The following PRKCH variants were observed in gnomAD, a reference collection of about 807,000 sequenced individuals.
PRKCH encodes protein kinase C eta.
Under a neutral mutation model 82.5 loss-of-function variants are expected in PRKCH, and 28 were observed. The ratio of observed to expected loss-of-function variants is 0.34; its 90% CI spans 0.25 to 0.47. The LOEUF (loss-of-function observed/expected upper bound fraction) is 0.47, where lower values mean the gene tolerates loss of function less well. Among genes scored for constraint, PRKCH ranks in the 20% least tolerant of loss-of-function variants. The pLI is 1.00. For missense variants in PRKCH, 705 were observed against 881.8 expected (o/e 0.80, Z 2.54); for synonymous variants, 322 against 327.4 (o/e 0.98, Z 0.18).
At chr14:61,464,854 G>A (rs1885185628) in intron 9 of PRKCH, among the ~76,000 whole-genome samples, 1 of 152,200 alleles carries the variant, frequency 6.6e-6, no homozygotes, top group African/African-American at 2.4e-5. Context: ...ACATACATGT[G>A]CATGTGTCTT....
intron 9 of PRKCH, among the ~76,000 whole-genome samples, chr14:61,468,703 G>A (rs1029212048): frequency 3.9e-5 from 6 of 152,174 alleles, no homozygotes; most frequent in African/African-American, 1.2e-4. Flanking sequence ...AGGTTGTTCT[G>A]TTGTAACTGG....
intron 1 of PRKCH, among the ~76,000 whole-genome samples, chr14:61,206,917 A>C (rs550860560): frequency 5.9e-5 from 9 of 151,672 alleles, no homozygotes; most frequent in Admixed American, 1.3e-4. Context: ...GACTAGCCTG[A>C]CCAACATGAA....
At chr14:61,402,211 C>T (rs927583241) in intron 2 of PRKCH, among the ~76,000 whole-genome samples, 2 of 152,092 alleles carry the variant, frequency 1.3e-5, no homozygotes, top group African/African-American at 2.4e-5. Flanking sequence ...ATGGCCAGTA[C>T]GAGATGTTAT....
intron 1 of PRKCH, among the ~76,000 whole-genome samples, chr14:61,189,729 T>C (rs187058998): frequency 2.0e-5 from 3 of 152,172 alleles, no homozygotes; most frequent in Admixed American, 2.0e-4. Flanking sequence ...GTTGCTTTCT[T>C]TTAGGAAGTT....
chr14:61,346,002 TTGCCTTTTAAGGCTATA>T (rs1424736212), intron 1 of PRKCH, among the ~76,000 whole-genome samples: 1 of 152,188 alleles, frequency 6.6e-6, no homozygotes, highest in Non-Finnish European at 1.5e-5. Context: ...CTCTGGGTAT[TTGCCTTTTAAGGCTATA>T]TGCCTTTTAA....
intron 1 of PRKCH, among the ~76,000 whole-genome samples, chr14:61,272,404 C>T (rs2045165744): frequency 8.7e-6 from 1 of 115,604 alleles, no homozygotes; most frequent in African/African-American, 3.4e-5. Flanking sequence ...ACCAGGCTAG[C>T]ATGCAGTGGC....
At chr14:61,405,459 C>G (rs1322612544) in intron 2 of PRKCH, among the ~76,000 whole-genome samples, 2 of 151,776 alleles carry the variant, frequency 1.3e-5, no homozygotes, top group East Asian at 3.9e-4. Context: ...CTCACTGCAA[C>G]CTCCACCTCC....
intron 1 of PRKCH, among the ~76,000 whole-genome samples, chr14:61,310,835 T>G (rs938464057): frequency 1.3e-5 from 2 of 152,250 alleles, no homozygotes; most frequent in African/African-American, 4.8e-5. Context: ...CCATACATCT[T>G]CTGAAATCTA....
At chr14:61,428,261 A>C (rs893430346) in intron 2 of PRKCH, among the ~76,000 whole-genome samples, 4 of 152,000 alleles carry the variant, frequency 2.6e-5, no homozygotes, top group Non-Finnish European at 5.9e-5. Flanking sequence ...ACCCTCCGAA[A>C]GTGCTGGGAT....
rs564278700 is a variant in PRKCH, at chr14:61,233,410, AAAAG to A, written c.-19+45746_-19+45749del. On this transcript the variant is annotated intron_variant, in intron 1 of 3. Coordinates refer to the PRKCH transcript ENST00000555185. ...TGTCTCAAAAAAAAAGAAAAAAAGA[AAAAG>A]AAAAAAAAGCCAGAGTGGCCTCAGC... Among the ~76,000 whole-genome samples, 141 of 152,254 alleles carry A rather than the reference AAAAG, an allele frequency of 9.3e-4. 2 individuals carry two copies. Among genetic ancestry groups the A allele is most frequent in the South Asian group, 8.9e-3 (43 of 4,814 alleles).
chr14:61,197,886 T>C (rs564129287), intron 1 of PRKCH, among the ~76,000 whole-genome samples: 1 of 152,332 alleles, frequency 6.6e-6, no homozygotes, highest in African/African-American at 2.4e-5. Flanking sequence ...GTCTTCCAAC[T>C]GTAGATAATT....
intron 1 of PRKCH, among the ~76,000 whole-genome samples, chr14:61,370,672 G>T (rs1419743550): frequency 3.3e-5 from 5 of 152,076 alleles, no homozygotes; most frequent in Non-Finnish European, 7.3e-5. Context: ...CATTATGTTA[G>T]ATGTTCATTG....
chr14:61,526,578 G>A (rs2140001244), intron 10 of PRKCH, among the ~76,000 whole-genome samples: 2 of 152,364 alleles, frequency 1.3e-5, no homozygotes, highest in Admixed American at 1.3e-4. Flanking sequence ...AGTCATGCCA[G>A]TTCTGTCATC....
rs142412569 is a variant in PRKCH at position 61,200,941 on chromosome 14, G to A, written c.-19+13273G>A. On this transcript the variant is annotated intron_variant, in intron 1 of 3. Transcript: ENST00000555185. ...AAACATATTTCCCACTTATAAGAGG[G>A]GACTAGTGTATATTTTTTCATTCAA... is the stretch of plus-strand genomic sequence containing the variant. Among the ~76,000 whole-genome samples the A allele has an allele frequency of 5.0e-3, 756 of 152,020 alleles. 3 individuals carry two copies. Among genetic ancestry groups the A allele is most frequent in the Middle Eastern group, 0.024 (7 of 292 alleles).
intron 1 of PRKCH, among the ~76,000 whole-genome samples, chr14:61,191,236 T>C (rs768217575): frequency 8.5e-5 from 13 of 152,208 alleles, no homozygotes; most frequent in Non-Finnish European, 1.8e-4. Flanking sequence ...GGTTTGTTAT[T>C]GTAGCTATGA....
chr14:61,490,378 A>G (rs761302281), intron 10 of PRKCH, among the ~76,000 whole-genome samples: 42 of 152,246 alleles, frequency 2.8e-4, no homozygotes, highest in African/African-American at 9.4e-4. Flanking sequence ...TGGGAAGAGT[A>G]GCAATCTCAC....
chr14:61,343,087 G>A (rs900169628), intron 1 of PRKCH, among the ~76,000 whole-genome samples: 1 of 152,148 alleles, frequency 6.6e-6, no homozygotes, highest in Non-Finnish European at 1.5e-5. Flanking sequence ...TTATCTGACT[G>A]CTGACAGGGT....
In PRKCH at chr14:61,280,572, GT is replaced by G. The variant is rs2045250153; in HGVS notation, c.-19+92905del. On this transcript the variant is annotated intron_variant, in intron 1 of 3. Transcript: ENST00000555185. This position sits in a 1 kb window ranked among gnomAD's most constrained non-coding sequence, Gnocchi z 5.0. ...CGGTCCACCAGGCGATGCCGGAGCGGTCGAGCGGCACCTCGACGTAGGGCCC... is the reference window on the plus strand; with the variant it reads ...CGGTCCACCAGGCGATGCCGGAGCGGCGAGCGGCACCTCGACGTAGGGCCC... 2 of 1,604,888 alleles carry G rather than the reference GT, an allele frequency of 1.2e-6. No homozygotes were observed. The highest frequency in any genetic ancestry group is 4.5e-5 in the East Asian group (2 of 44,446).
chr14:61,417,972 TGAAAA>T (rs1342923987), intron 2 of PRKCH, among the ~76,000 whole-genome samples: 1 of 152,182 alleles, frequency 6.6e-6, no homozygotes, highest in Non-Finnish European at 1.5e-5. Context: ...TGATTAAACT[TGAAAA>T]GGGAGAGTGT....
Sources: gnomAD v4.1 joint callset for allele counts (sites outside exome capture counted in the v4.1 genomes callset) on GRCh38, gnomAD v4.1.1 for gene constraint, Gnocchi (gnomAD v3.1) non-coding constraint, MANE v1.5 for transcripts, NCBI Gene and HGNC (gene_info 2026-07-23, HGNC 2026-07-21) for gene names.